The following TPPP2 variants were observed in gnomAD, a reference collection of about 807,000 sequenced individuals.
TPPP2 encodes the protein tubulin polymerization-promoting protein family member 2.
Under a neutral mutation model 13.0 loss-of-function variants are expected in TPPP2, and 8 were observed. The ratio of observed to expected loss-of-function variants is 0.62; its 90% confidence interval spans 0.36 to 1.11. The LOEUF (loss-of-function observed/expected upper bound fraction) is 1.11, where lower values mean the gene tolerates loss of function less well. Among genes scored for constraint, TPPP2 ranks in the 50% most tolerant of loss-of-function variants. The probability of loss-of-function intolerance (pLI) is 0.02; values close to 1 mark genes in which losing one functional copy is unlikely to be tolerated. For missense variants in TPPP2, 213 were observed against 216.9 expected (o/e 0.98, Z 0.11); for synonymous variants, 81 against 81.8 (o/e 0.99, Z 0.05).
In TPPP2 at chr14:21,032,497, A is replaced by G. The variant is rs1884289780; in HGVS notation, c.*420A>G. On this transcript the variant is annotated 3_prime_UTR_variant, in exon 4 of 4. Coordinates refer to ENST00000321760, the MANE Select transcript of TPPP2 (RefSeq NM_173846.5). Reference sequence around the variant, plus strand: ...GGACTATGACTATATCACATATTAGATCCTTCCCTGTCCCTCCACCTTCCT... The same window carrying G: ...GGACTATGACTATATCACATATTAGGTCCTTCCCTGTCCCTCCACCTTCCT... The G allele has an allele frequency of 2.8e-6, 1 of 360,312 alleles. No homozygotes were observed. The highest frequency in any genetic ancestry group is 2.1e-5 in the African/African-American group (1 of 46,962). The allele number at this position is 360,312 out of a possible 1,614,324, so 22.3% of individuals were successfully genotyped here.
upstream of TPPP2, among the ~76,000 whole-genome samples, chr14:21,029,998 T>C (rs1352542371): frequency 1.3e-5 from 2 of 152,158 alleles, no homozygotes; most frequent in African/African-American, 4.8e-5. Context: ...ATAAGGCAAT[T>C]TGACTAGGAC....
downstream of TPPP2, chr14:21,034,408 A>G: frequency 4.1e-6 from 3 of 733,046 alleles, no homozygotes; most frequent in Non-Finnish European, 6.7e-6. Context: ...CATCTCACCC[A>G]TAACCAAGTT....
downstream of TPPP2, chr14:21,033,931 G>A: frequency 1.2e-6 from 2 of 1,614,004 alleles, no homozygotes; most frequent in African/African-American, 1.3e-5. Flanking sequence ...CAGCTAGTGG[G>A]TGGCTGTTGG....
At chr14:21,033,908 G>A (rs1254631109), downstream of TPPP2, 1 of 1,614,090 alleles carries the variant, frequency 6.2e-7, no homozygotes, top group Non-Finnish European at 8.5e-7. Flanking sequence ...TGGTTAGGGT[G>A]CTATTGTAGT....
downstream of TPPP2, chr14:21,033,176 G>A (rs1207060802): frequency 5.4e-6 from 2 of 367,180 alleles, no homozygotes; most frequent in Admixed American, 3.7e-5. Context: ...ACGGTTGTTG[G>A]GAGTGTGGGG....
chr14:21,034,443 C>CT (rs1459472337), downstream of TPPP2: 1 of 642,074 alleles, frequency 1.6e-6, no homozygotes, highest in East Asian at 2.7e-5. Context: ...AGAGGAGATG[C>CT]TTGCCCAAGG....
At chr14:21,033,037 G>A (rs1472880474), downstream of TPPP2, 1 of 452,064 alleles carries the variant, frequency 2.2e-6, no homozygotes, top group Non-Finnish European at 4.4e-6. Context: ...GATTTGGGAG[G>A]AGCTTCTGGA....
At chr14:21,035,095 A>T (rs778371619), downstream of TPPP2, among the ~76,000 whole-genome samples, 1 of 152,216 alleles carries the variant, frequency 6.6e-6, no homozygotes, top group Non-Finnish European at 1.5e-5. Context: ...CACTCACGGG[A>T]GCCCAGGAGG....
downstream of TPPP2, chr14:21,034,407 C>T: frequency 1.4e-6 from 1 of 737,448 alleles, no homozygotes; most frequent in Non-Finnish European, 2.2e-6. Flanking sequence ...TCATCTCACC[C>T]ATAACCAAGT....
chr14:21,025,432 C>G, upstream of TPPP2: 1 of 985,676 alleles, frequency 1.0e-6, no homozygotes, highest in Non-Finnish European at 1.2e-6. The surrounding 1 kb of genome is among the most constrained non-coding windows in gnomAD (Gnocchi z 5.1). Context: ...TCCTTCGCCC[C>G]CAGACTCAGT....
downstream of TPPP2, among the ~76,000 whole-genome samples, chr14:21,035,463 A>T (rs1884559030): frequency 6.6e-6 from 1 of 152,212 alleles, no homozygotes; most frequent in Non-Finnish European, 1.5e-5. Context: ...TCAAAGAGCC[A>T]GCTCCCTGGA....
downstream of TPPP2, chr14:21,036,344 C>T (rs1884627866): frequency 4.6e-6 from 2 of 438,440 alleles, no homozygotes; most frequent in Non-Finnish European, 4.6e-6. Flanking sequence ...GTAGGGGTGC[C>T]CAGTCTTTTG....
rs1884219767 is a variant in TPPP2 at position 21,031,968 on chromosome 14, A to T, written c.404A>T (p.Asp135Val). The change falls in exon 4 of 4, where the codon GAT becomes GTT. Residue 135 changes from aspartate to valine, a missense_variant. Asp to Val is a radical substitution (Grantham distance 152). Coordinates refer to ENST00000321760, the MANE Select transcript of TPPP2 (RefSeq NM_173846.5). ...ACCGGCACCCACAAGGAGCGCTTTG[A>T]TGAGAGTGGCAAGGGCAAGGGCATT... ...KYTGTHKERFDESGKGKGIAG... is the reference protein window; with the variant it reads ...KYTGTHKERFVESGKGKGIAG... 6.2e-7 allele frequency: 1 copy of T among 1,614,062 alleles called. No individual in the cohort carries two copies. Among genetic ancestry groups the T allele is most frequent in the Non-Finnish European group, 8.5e-7 (1 of 1,180,044 alleles).
At chr14:21,024,305 T>C in exon 1 of TPPP2, 1 of 985,434 alleles carries the variant, frequency 1.0e-6, no homozygotes. Context: ...GGGCATCAGT[T>C]CAGGCTGCGC....
Position 21,025,105 on chromosome 14 carries a change from C to A in TPPP2, n.236+761C>A, listed in dbSNP as rs1365088848. On this transcript the variant is annotated intron_variant and non_coding_transcript_variant, in intron 1 of 1. Transcript: ENST00000533755. The surrounding 1 kb of genome is among the most constrained non-coding windows in gnomAD (Gnocchi z 5.1). ...CCCCGGCTCGGGCTTCCCGCAGACC[C>A]GCCCCCGGCCCGCCCCAGCCCGCCC... is the stretch of plus-strand genomic sequence containing the variant. The A allele has an allele frequency of 1.0e-6, 1 of 985,434 alleles. No individual in the cohort carries two copies. Among genetic ancestry groups the A allele is most frequent in the South Asian group, 4.7e-5 (1 of 21,312 alleles). 61.0% of individuals were successfully genotyped at this position (985,434 alleles called of 1,614,324 possible). A position where few individuals can be genotyped will look rare whatever the true frequency, so the allele number is the denominator to read the frequency against.
downstream of TPPP2, chr14:21,033,397 G>A (rs1884379179): frequency 7.3e-6 from 2 of 275,662 alleles, no homozygotes; most frequent in Admixed American, 1.0e-4. Flanking sequence ...GGGAACTGGG[G>A]GAGGCTGACA....
At chr14:21,034,360 A>G, downstream of TPPP2, 7 of 1,085,842 alleles carry the variant, frequency 6.4e-6, no homozygotes, top group Non-Finnish European at 9.5e-6. Context: ...CACATCCCAG[A>G]GCCTCCAGCA....
downstream of TPPP2, chr14:21,034,071 T>C (rs966217024): frequency 6.2e-7 from 1 of 1,614,194 alleles, no homozygotes; most frequent in Admixed American, 1.7e-5. Flanking sequence ...ATGTATCACA[T>C]AATGGATCTT....
downstream of TPPP2, among the ~76,000 whole-genome samples, chr14:21,035,598 G>C (rs1884570508): frequency 6.6e-6 from 1 of 152,136 alleles, no homozygotes; most frequent in South Asian, 2.1e-4. Context: ...CAGAAAAGGG[G>C]AGTCAGAACA....
Sources: gnomAD v4.1 joint callset for allele counts (sites outside exome capture counted in the v4.1 genomes callset) on GRCh38, gnomAD v4.1.1 for gene constraint, Gnocchi (gnomAD v3.1) non-coding constraint, MANE v1.5 for transcripts, NCBI Gene and HGNC (gene_info 2026-07-23, HGNC 2026-07-21) for gene names.